DAB1: variants seen among roughly 807,000 people sequenced by gnomAD.
DAB1 encodes DAB adaptor protein 1, also known as disabled homolog 1.
DAB1 carries 15 observed loss-of-function variants against 64.6 expected under a neutral mutation model. The ratio of observed to expected loss-of-function variants is 0.23; its 90% CI spans 0.16 to 0.36. The LOEUF (loss-of-function observed/expected upper bound fraction) is 0.36. DAB1 is among the 10% of genes least tolerant of loss of function. The pLI is 1.00. For missense variants in DAB1, 596 were observed against 706.7 expected (o/e 0.84, Z 1.78); for synonymous variants, 235 against 251.9 (o/e 0.93, Z 0.64).
At chr1:57,957,841 T>A (rs1158145500) in intron 5 of DAB1, among the ~76,000 whole-genome samples, 1 of 152,172 alleles carries the variant, frequency 6.6e-6, no homozygotes, top group Non-Finnish European at 1.5e-5. Context: ...TACCTGACAA[T>A]ACATGAAACA....
At chr1:57,419,485 T>G (rs1204901514) in intron 1 of DAB1, among the ~76,000 whole-genome samples, 1 of 144,786 alleles carries the variant, frequency 6.9e-6, no homozygotes, top group African/African-American at 2.7e-5. Flanking sequence ...TAAGGAAATA[T>G]TTCCAATTAA....
At chr1:57,059,415 TA>T (rs1650156055) in intron 9 of DAB1, among the ~76,000 whole-genome samples, 1 of 152,140 alleles carries the variant, frequency 6.6e-6, no homozygotes, top group South Asian at 2.1e-4. Context: ...TTTCTCTTCT[TA>T]TGGGAAATTT....
At chr1:58,432,203 G>A (rs1644885160) in intron 3 of DAB1, among the ~76,000 whole-genome samples, 1 of 152,160 alleles carries the variant, frequency 6.6e-6, no homozygotes, top group Non-Finnish European at 1.5e-5. Flanking sequence ...ACAGCTCTTG[G>A]TGTGAATCTC....
intron 7 of DAB1, among the ~76,000 whole-genome samples, chr1:57,617,305 G>A (rs961138087): frequency 6.6e-6 from 1 of 152,046 alleles, no homozygotes; most frequent in Non-Finnish European, 1.5e-5. Context: ...TTAGCCCCCT[G>A]CCTCAATTCA....
chr1:58,441,972 G>A (rs927003), intron 3 of DAB1, among the ~76,000 whole-genome samples: 1 of 152,176 alleles, frequency 6.6e-6, no homozygotes, highest in Non-Finnish European at 1.5e-5. Flanking sequence ...GGATGGTTGG[G>A]AGGCCTCTCT....
chr1:57,058,587 A>T (rs993659310), intron 9 of DAB1, among the ~76,000 whole-genome samples: 1 of 152,234 alleles, frequency 6.6e-6, no homozygotes, highest in African/African-American at 2.4e-5. Flanking sequence ...CCTGGTGAGT[A>T]GTTCAGTGCA....
intron 6 of DAB1, among the ~76,000 whole-genome samples, chr1:57,740,042 A>C (rs1647903857): frequency 7.7e-6 from 1 of 130,470 alleles, no homozygotes; most frequent in Non-Finnish European, 1.6e-5. Flanking sequence ...TACTACTACT[A>C]CTACAAAAAA....
chr1:57,825,214 G>A (rs1407548817), downstream of DAB1, among the ~76,000 whole-genome samples: 1 of 152,016 alleles, frequency 6.6e-6, no homozygotes, highest in Non-Finnish European at 1.5e-5. Context: ...AGAGTTTAGG[G>A]CCCCTAGCTT....
intron 7 of DAB1, among the ~76,000 whole-genome samples, chr1:57,460,425 G>A (rs1256037672): frequency 1.3e-5 from 2 of 152,206 alleles, no homozygotes; most frequent in Non-Finnish European, 2.9e-5. Context: ...TTCCTGGCAA[G>A]CAAGAGTTAA....
chr1:57,962,990 G>A (rs944998508), intron 5 of DAB1, among the ~76,000 whole-genome samples: 8 of 151,750 alleles, frequency 5.3e-5, no homozygotes, highest in African/African-American at 1.7e-4. Flanking sequence ...AATATAACAT[G>A]CTTCATTCCC....
chr1:58,423,271 C>T (rs1557755705), intron 3 of DAB1, among the ~76,000 whole-genome samples: 1 of 152,176 alleles, frequency 6.6e-6, no homozygotes, highest in South Asian at 2.1e-4. Context: ...AGTCTTAGAC[C>T]TCCAGATCTC....
intron 4 of DAB1, among the ~76,000 whole-genome samples, chr1:57,086,975 T>C (rs1001451182): frequency 2.6e-5 from 4 of 152,134 alleles, no homozygotes; most frequent in African/African-American, 9.7e-5. Context: ...GATGTCCCCA[T>C]TTGTGGGATA....
At chr1:57,279,946 C>CT (rs1671760091) in intron 2 of DAB1, among the ~76,000 whole-genome samples, 2 of 152,164 alleles carry the variant, frequency 1.3e-5, no homozygotes, top group Non-Finnish European at 2.9e-5. Flanking sequence ...AACCTAAAGG[C>CT]ATTACTATTG....
intron 5 of DAB1, among the ~76,000 whole-genome samples, chr1:58,032,288 C>T (rs1396473213): frequency 6.6e-6 from 1 of 152,170 alleles, no homozygotes; most frequent in Non-Finnish European, 1.5e-5. Context: ...TGTCTTCTTA[C>T]TCACCTTCAT....
intron 1 of DAB1, among the ~76,000 whole-genome samples, chr1:58,541,155 G>C (rs983076199): frequency 1.3e-5 from 2 of 151,288 alleles, no homozygotes; most frequent in Admixed American, 6.6e-5. Context: ...TTAGGCAGGT[G>C]TGGTGGCACT....
At chr1:57,560,682 T>C (rs1438284762) in intron 7 of DAB1, among the ~76,000 whole-genome samples, 1 of 97,720 alleles carries the variant, frequency 1.0e-5, no homozygotes, top group Non-Finnish European at 2.6e-5. Flanking sequence ...TCCAGGCTGC[T>C]GTGCAAGCTG....
At chr1:57,497,630 T>C (rs1288569047) in intron 7 of DAB1, among the ~76,000 whole-genome samples, 1 of 152,154 alleles carries the variant, frequency 6.6e-6, no homozygotes, top group East Asian at 1.9e-4. Flanking sequence ...TGTGTACACA[T>C]TGGATGGGCA....
At chr1:57,843,717 C>G (rs183478326) in intron 1 of DAB1, among the ~76,000 whole-genome samples, 1 of 152,264 alleles carries the variant, frequency 6.6e-6, no homozygotes, top group East Asian at 1.9e-4. Flanking sequence ...ATGAATTACC[C>G]TGGCTTTCCC....
At chr1:58,283,825 C>T (rs984323530) in intron 4 of DAB1, among the ~76,000 whole-genome samples, 1 of 152,188 alleles carries the variant, frequency 6.6e-6, no homozygotes, top group African/African-American at 2.4e-5. Context: ...CTAGTCTTGA[C>T]AGACTTTGTC....
Sources: gnomAD v4.1 joint callset for allele counts (sites outside exome capture counted in the v4.1 genomes callset) on GRCh38, gnomAD v4.1.1 for gene constraint, MANE v1.5 for transcripts, NCBI Gene and HGNC (gene_info 2026-07-23, HGNC 2026-07-21) for gene names.